Variants in SPATA6 observed in about 807,000 individuals in gnomAD.
SPATA6 encodes spermatogenesis associated 6, also known as spermatogenesis-associated protein 6.
SPATA6 carries 56 observed loss-of-function variants against 65.3 expected under a neutral mutation model. The observed-to-expected ratio is 0.86, with a 90% CI of 0.69 to 1.07. SPATA6 has a LOEUF of 1.07. SPATA6 is among the 50% of genes least tolerant of loss of function. SPATA6 has a pLI of 0.00. For synonymous variants in SPATA6, 199 were observed against 213.2 expected (o/e 0.93, Z 0.58); for missense variants, 590 against 594.8 (o/e 0.99, Z 0.08).
chr1:48,282,235 A>G, the SPATA6 span, among the ~76,000 whole-genome samples: 6 of 152,220 alleles, frequency 3.9e-5, no homozygotes, highest in African/African-American at 1.4e-4. Context: ...AAAACCCTAG[A>G]AGAAAACCTA....
the SPATA6 span, among the ~76,000 whole-genome samples, chr1:48,276,971 G>A: frequency 3.3e-5 from 5 of 151,678 alleles, no homozygotes; most frequent in African/African-American, 1.2e-4. Context: ...AATTCTCTTT[G>A]TAGGTCTCTA....
intron 3 of SPATA6, among the ~76,000 whole-genome samples, chr1:48,437,643 G>T (rs1291519653): frequency 6.6e-6 from 1 of 152,064 alleles, no homozygotes; most frequent in Non-Finnish European, 1.5e-5. Flanking sequence ...AAACCAACAG[G>T]CTAGTTTATC....
intron 1 of SPATA6, among the ~76,000 whole-genome samples, chr1:48,465,072 T>C (rs989332912): frequency 6.6e-6 from 1 of 152,130 alleles, no homozygotes; most frequent in Admixed American, 6.5e-5. Flanking sequence ...TAGACGATCT[T>C]TGAAAATTCC....
chr1:48,314,261 C>A (rs1459875566), intron 11 of SPATA6, among the ~76,000 whole-genome samples: 1 of 152,182 alleles, frequency 6.6e-6, no homozygotes. Context: ...CCACACCACA[C>A]CTATTCCAAA....
chr1:48,355,484 T>C (rs1436005278), intron 11 of SPATA6, 186 bp downstream of exon 11: 1 of 476,686 alleles, frequency 2.1e-6, no homozygotes, highest in Non-Finnish European at 3.8e-6. Flanking sequence ...ACATTTTGCA[T>C]AATGACTTAG....
intron 8 of SPATA6, among the ~76,000 whole-genome samples, chr1:48,388,273 C>T (rs1384807524): frequency 6.6e-6 from 1 of 152,074 alleles, no homozygotes; most frequent in Non-Finnish European, 1.5e-5. Context: ...TACACCACTG[C>T]ATGCACCCAG....
At chr1:48,471,660 C>T (rs1444556946) in intron 1 of SPATA6, among the ~76,000 whole-genome samples, 1 of 152,136 alleles carries the variant, frequency 6.6e-6, no homozygotes, top group Non-Finnish European at 1.5e-5. Flanking sequence ...CTCTCTCTCA[C>T]TGGAAAGTTA....
chr1:48,346,812 G>A (rs1225584132), intron 11 of SPATA6, among the ~76,000 whole-genome samples: 1 of 151,696 alleles, frequency 6.6e-6, no homozygotes. Flanking sequence ...CAGAGAAATA[G>A]GAAAAGACAC....
intron 1 of SPATA6, among the ~76,000 whole-genome samples, chr1:48,461,081 A>G (rs972681392): frequency 6.6e-6 from 1 of 152,196 alleles, no homozygotes; most frequent in African/African-American, 2.4e-5. Flanking sequence ...CAGAAAAACA[A>G]TACTCAAAAA....
intron 9 of SPATA6, among the ~76,000 whole-genome samples, chr1:48,368,774 C>T (rs1287933755): frequency 6.6e-6 from 1 of 152,038 alleles, no homozygotes; most frequent in Non-Finnish European, 1.5e-5. Context: ...TTTGATCGTC[C>T]GAAGACTTCT....
chr1:48,365,108 T>C (rs1216263759), intron 9 of SPATA6, among the ~76,000 whole-genome samples: 1 of 152,192 alleles, frequency 6.6e-6, no homozygotes, highest in African/African-American at 2.4e-5. Flanking sequence ...CAGATAGTTG[T>C]AGATATGCGT....
At chr1:48,469,808 G>GT (rs1013201556) in intron 1 of SPATA6, among the ~76,000 whole-genome samples, 1 of 148,366 alleles carries the variant, frequency 6.7e-6, no homozygotes, top group Non-Finnish European at 1.5e-5. Flanking sequence ...GGTTTTTTTT[G>GT]TGGGGGGGGC....
rs1169540978 is a variant in SPATA6 at position 48,399,510 on chromosome 1, T to G, written c.621A>C (p.Glu207Asp). The G allele has an allele frequency of 6.2e-7, 1 of 1,613,096 alleles. No homozygotes were observed. Among genetic ancestry groups the G allele is most frequent in the East Asian group, 2.2e-5 (1 of 44,852 alleles). ...GTGATTTTGAAGAAATTGTAGGCTG[T>G]TCGTAGTTTTTTGCATTTATACAGT... ...SKYCINAKNY[E>D]QPTISSKSHS... Residue 207 changes from glutamate to aspartate, a missense_variant, in exon 7 of 13, where the codon GAA (glutamate) becomes GAC (aspartate). By Grantham distance (45) the Glu-to-Asp change is conservative. Coordinates refer to ENST00000371847, the MANE Select transcript of SPATA6 (RefSeq NM_019073.4).
At chr1:48,430,123 A>AT (rs1449045258) in intron 3 of SPATA6, among the ~76,000 whole-genome samples, 41 of 152,284 alleles carry the variant, frequency 2.7e-4, no homozygotes, top group African/African-American at 9.9e-4. Flanking sequence ...AATGAAATAA[A>AT]TGTAAATATT....
intron 9 of SPATA6, 128 bp from the exon 10 acceptor site, chr1:48,359,898 A>G: frequency 1.5e-6 from 1 of 666,390 alleles, no homozygotes. Flanking sequence ...TTATAAAAGT[A>G]ATAAAACATA....
the SPATA6 span, among the ~76,000 whole-genome samples, chr1:48,275,351 C>T: frequency 0.012 from 1,865 of 152,270 alleles, 46 homozygotes; most frequent in African/African-American, 0.043. Context: ...TGCCTGATTG[C>T]CCTGGCCAGA....
chr1:48,354,257 G>A (rs993324785), intron 11 of SPATA6, among the ~76,000 whole-genome samples: 2 of 152,036 alleles, frequency 1.3e-5, no homozygotes, highest in Admixed American at 1.3e-4. Context: ...AAGTAGGGAG[G>A]ATGTGAAACA....
chr1:48,353,582 A>T (rs1646574189), intron 11 of SPATA6, among the ~76,000 whole-genome samples: 1 of 152,008 alleles, frequency 6.6e-6, no homozygotes. Context: ...ATACTGTGAA[A>T]CAAGGAATAT....
At chr1:48,470,395 G>A (rs946004098) in intron 1 of SPATA6, among the ~76,000 whole-genome samples, 2 of 152,112 alleles carry the variant, frequency 1.3e-5, no homozygotes, top group African/African-American at 4.8e-5. Flanking sequence ...TTGTGTCCTG[G>A]GCCAAGGGAT....
Sources: allele counts gnomAD v4.1 joint callset (sites outside exome capture counted in the v4.1 genomes callset), GRCh38; gene constraint gnomAD v4.1.1; transcripts MANE v1.5; gene names NCBI Gene and HGNC (gene_info 2026-07-23, HGNC 2026-07-21).